SPATA16: variants seen among roughly 807,000 people sequenced by gnomAD.
SPATA16 encodes spermatogenesis associated 16.
Under a neutral mutation model 63.3 loss-of-function variants are expected in SPATA16, and 36 were observed. The ratio of observed to expected loss-of-function variants is 0.57; its 90% CI spans 0.44 to 0.75. SPATA16 has a LOEUF of 0.75. Ranked by LOEUF, SPATA16 falls within the 30% of genes least tolerant of loss-of-function variation. The pLI is 0.00. For missense variants in SPATA16, 646 were observed against 679.3 expected (o/e 0.95, Z 0.54); for synonymous variants, 203 against 216.7 (o/e 0.94, Z 0.56).
chr3:173,005,384 G>A (rs1251370374), intron 4 of SPATA16, among the ~76,000 whole-genome samples: 2 of 150,822 alleles, frequency 1.3e-5, no homozygotes, highest in Non-Finnish European at 3.0e-5. Context: ...TTGAAAGGGA[G>A]AAGGGAGGGA....
At chr3:173,011,822 G>C (rs1273881010) in intron 4 of SPATA16, among the ~76,000 whole-genome samples, 1 of 151,968 alleles carries the variant, frequency 6.6e-6, no homozygotes, top group Non-Finnish European at 1.5e-5. Flanking sequence ...TGTTTTTAGA[G>C]ACAGGGTCTC....
At chr3:173,099,011 A>G (rs574048155) in intron 2 of SPATA16, among the ~76,000 whole-genome samples, 6 of 152,278 alleles carry the variant, frequency 3.9e-5, no homozygotes, top group African/African-American at 9.6e-5. Flanking sequence ...AGGATCCCCA[A>G]TCATCAACAC....
intron 2 of SPATA16, among the ~76,000 whole-genome samples, chr3:173,088,025 T>TCTTTCTTTCTTC (rs1737110027): frequency 2.6e-5 from 3 of 116,702 alleles, no homozygotes; most frequent in Non-Finnish European, 5.6e-5. Flanking sequence ...TTTCTTTCTT[T>TCTTTCTTTCTTC]CTTTCTTTCT....
chr3:173,000,861 A>T (rs1390436065), intron 4 of SPATA16, among the ~76,000 whole-genome samples: 1 of 151,098 alleles, frequency 6.6e-6, no homozygotes, highest in Non-Finnish European at 1.5e-5. Context: ...AGTGTTTTTG[A>T]TCTCTAGAAT....
At chr3:172,958,186 G>T (rs746817921) in intron 5 of SPATA16, among the ~76,000 whole-genome samples, 10 of 152,134 alleles carry the variant, frequency 6.6e-5, no homozygotes, top group Non-Finnish European at 1.3e-4. Context: ...AGTTAGTGAT[G>T]GAGTGCATGG....
rs1173573990 is a variant in SPATA16 at position 172,924,275 on chromosome 3, C to T, written c.1271G>A (p.Arg424Lys). 2 of 1,613,324 alleles carry T rather than the reference C, an allele frequency of 1.2e-6. No homozygotes were observed. The highest frequency in any genetic ancestry group is 1.7e-5 in the Admixed American group (1 of 59,980). ...PFGLTREDTV[R>K]QMETMGKRIL... ...TCGCTTCCCCATTGTCTCCATTTGC[C>T]TCACTGTATCTTCTCTGGTCAGACC... Residue 424 changes from arginine to lysine, a missense_variant, in exon 8 of 11, where the codon AGG (arginine) becomes AAG (lysine). Coordinates refer to ENST00000351008, the MANE Select transcript of SPATA16 (RefSeq NM_031955.6).
At chr3:173,077,190 G>A (rs952229904) in intron 2 of SPATA16, among the ~76,000 whole-genome samples, 4 of 152,132 alleles carry the variant, frequency 2.6e-5, no homozygotes, top group African/African-American at 7.2e-5. Flanking sequence ...TTAAAATTCA[G>A]TGCTTTTCTG....
chr3:172,961,028 C>T (rs1733755247), intron 5 of SPATA16, among the ~76,000 whole-genome samples: 1 of 92,094 alleles, frequency 1.1e-5, no homozygotes, highest in African/African-American at 4.1e-5. Context: ...TTCTCTCTTT[C>T]TCTCTTTCTT....
At chr3:173,049,209 A>G (rs1329982514) in intron 2 of SPATA16, 115 bp from the exon 3 acceptor site, 2 of 1,153,050 alleles carry the variant, frequency 1.7e-6, no homozygotes, top group Admixed American at 4.9e-5. Context: ...GCTTGCTTAT[A>G]TGTTTTGCGT....
chr3:173,020,410 G>T (rs1735298886), intron 3 of SPATA16, among the ~76,000 whole-genome samples: 1 of 152,168 alleles, frequency 6.6e-6, no homozygotes, highest in African/African-American at 2.4e-5. Flanking sequence ...GTTGGTTAAG[G>T]GATCTAGTCT....
At chr3:173,043,353 A>G (rs1030016048) in intron 3 of SPATA16, among the ~76,000 whole-genome samples, 1 of 152,084 alleles carries the variant, frequency 6.6e-6, no homozygotes, top group East Asian at 1.9e-4. Context: ...CATCTTTATC[A>G]TAGTCTATTT....
chr3:173,129,905 A>C (rs1738326549), intron 1 of SPATA16, among the ~76,000 whole-genome samples: 2 of 152,178 alleles, frequency 1.3e-5, no homozygotes, highest in African/African-American at 4.8e-5. Flanking sequence ...TAATGAATGA[A>C]TAGTATTTTC....
chr3:172,965,146 T>A, intron 5 of SPATA16, among the ~76,000 whole-genome samples: 1 of 152,246 alleles, frequency 6.6e-6, no homozygotes, highest in East Asian at 1.9e-4. Flanking sequence ...AAGCAAGCAT[T>A]ATTACTCCAT....
chr3:173,080,570 C>T (rs940460477), intron 2 of SPATA16, among the ~76,000 whole-genome samples: 3 of 152,050 alleles, frequency 2.0e-5, no homozygotes, highest in African/African-American at 4.8e-5. Flanking sequence ...ATGAGGAAGC[C>T]GCTGTGGGGA....
At chr3:172,908,992 G>C (rs1417802001) in intron 10 of SPATA16, among the ~76,000 whole-genome samples, 1 of 152,134 alleles carries the variant, frequency 6.6e-6, no homozygotes, top group Non-Finnish European at 1.5e-5. Flanking sequence ...GGAAAAATTT[G>C]GCACCCTGTT....
chr3:172,899,407 T>A (rs1442690715), intron 10 of SPATA16, among the ~76,000 whole-genome samples: 3 of 152,080 alleles, frequency 2.0e-5, no homozygotes, highest in Non-Finnish European at 4.4e-5. Context: ...TCTGGTAACT[T>A]TTTTTGCTTG....
chr3:173,136,625 C>T (rs1224524597), intron 1 of SPATA16, among the ~76,000 whole-genome samples: 4 of 152,306 alleles, frequency 2.6e-5, no homozygotes, highest in African/African-American at 9.6e-5. Flanking sequence ...TTTTCATACT[C>T]ATTACTGTCA....
intron 3 of SPATA16, among the ~76,000 whole-genome samples, chr3:173,046,438 G>A (rs1735956731): frequency 6.6e-6 from 1 of 151,924 alleles, no homozygotes; most frequent in Non-Finnish European, 1.5e-5. Context: ...TAAAGTTATG[G>A]TCCTTGTAGT....
At chr3:172,989,218 C>T (rs1178825513) in intron 4 of SPATA16, among the ~76,000 whole-genome samples, 1 of 152,186 alleles carries the variant, frequency 6.6e-6, no homozygotes, top group African/African-American at 2.4e-5. Flanking sequence ...CAAGTGTATC[C>T]ATTCTGTATC....
Sources: allele counts gnomAD v4.1 joint callset (sites outside exome capture counted in the v4.1 genomes callset), GRCh38; gene constraint gnomAD v4.1.1; transcripts MANE v1.5; gene names NCBI Gene and HGNC (gene_info 2026-07-23, HGNC 2026-07-21).